The following CETN3 variants were observed in gnomAD, a reference collection of about 807,000 sequenced individuals.
CETN3 encodes the protein centrin 3.
CETN3 carries 17 observed loss-of-function variants against 20.1 expected under a neutral mutation model. The ratio of observed to expected loss-of-function variants is 0.85; its 90% CI spans 0.58 to 1.27. The LOEUF (loss-of-function observed/expected upper bound fraction) is 1.27, where lower values mean the gene tolerates loss of function less well. Among genes scored for constraint, CETN3 ranks in the 50% most tolerant of loss-of-function variants. The pLI is 0.00. For missense variants in CETN3, 169 were observed against 191.2 expected (o/e 0.88, Z 0.69); for synonymous variants, 52 against 59.7 (o/e 0.87, Z 0.59).
chr5:90,406,510 TCCA>T (rs1749447106), intron 2 of CETN3, among the ~76,000 whole-genome samples: 1 of 151,304 alleles, frequency 6.6e-6, no homozygotes, highest in Admixed American at 6.6e-5. Context: ...GGAGGTGAAT[TCCA>T]CCTTAATTAG....
chr5:90,402,501 C>G (rs1181848678), intron 3 of CETN3, among the ~76,000 whole-genome samples: 2 of 152,178 alleles, frequency 1.3e-5, no homozygotes, highest in Non-Finnish European at 2.9e-5. Context: ...TGCTTTTTCT[C>G]TACTCTTCCT....
rs979633106 is a variant in CETN3 at position 90,405,479 on chromosome 5, CAA to C, written c.268+204_268+205del. 4.4e-5 allele frequency: 23 copies of C among 519,858 alleles called. No individual in the cohort carries two copies. The African/African-American group carries it at 4.4e-4, about 10-fold the overall frequency. 32.2% of individuals were successfully genotyped at this position (519,858 alleles called of 1,614,324 possible). On this transcript the variant is annotated intron_variant, in intron 3 of 4. Coordinates refer to ENST00000283122, the MANE Select transcript of CETN3 (RefSeq NM_004365.4). ...CTTGGTTAGAATCTTCACAACAAAA[CAA>C]AAGACAAAACTATAAATCTCAGAGC...
intron 1 of CETN3, 48 bp downstream of exon 1, chr5:90,409,597 G>C: frequency 6.2e-7 from 1 of 1,611,058 alleles, no homozygotes. Flanking sequence ...ACCCTCCCTG[G>C]GCCCCGCTCC....
chr5:90,409,503 G>A lies in CETN3; in HGVS notation c.17+142C>T, dbSNP rs28513348. On this transcript the variant is annotated intron_variant, in intron 1 of 4. Coordinates refer to ENST00000283122, the MANE Select transcript of CETN3 (RefSeq NM_004365.4). ...AGAGCCCAGAGGGTGAGTGATCCGG[G>A]CAGGCTGCCCTAGGCTCCTTTCCCG... 10,929 of 907,632 alleles carry A rather than the reference G, an allele frequency of 0.012. 767 individuals are homozygous for A. In the African/African-American group the frequency reaches 0.16, roughly 13 times the overall value. The allele number at this position is 907,632 out of a possible 1,614,324, so 56.2% of individuals were successfully genotyped here.
At chr5:90,406,863 A>AC (rs1232852433) in intron 2 of CETN3, among the ~76,000 whole-genome samples, 2 of 150,556 alleles carry the variant, frequency 1.3e-5, no homozygotes, top group Non-Finnish European at 3.0e-5. Context: ...AAACAAAAAA[A>AC]ACAGTGGGAA....
chr5:90,395,885 T>C, intron 4 of CETN3: 1 of 902,144 alleles, frequency 1.1e-6, no homozygotes, highest in Non-Finnish European at 1.3e-6. Context: ...GAATATATAC[T>C]GCACTGGTTC....
chr5:90,405,464 A>C (rs1749412264), intron 3 of CETN3: 4 of 509,210 alleles, frequency 7.9e-6, no homozygotes, highest in Non-Finnish European at 1.4e-5. Flanking sequence ...CTTGGTTAGA[A>C]TCTTCACAAC....
intron 4 of CETN3, 81 bp downstream of exon 4, chr5:90,399,277 G>C (rs529843444): frequency 1.8e-4 from 237 of 1,295,698 alleles, no homozygotes; most frequent in Non-Finnish European, 2.5e-4. Flanking sequence ...AAAAAGTCTT[G>C]CAAGTCATTT....
chr5:90,403,087 T>C (rs1229914309), intron 3 of CETN3, among the ~76,000 whole-genome samples: 4 of 152,254 alleles, frequency 2.6e-5, no homozygotes, highest in African/African-American at 9.6e-5. Context: ...CCTCAGGCTG[T>C]CTTGACTCTA....
At chr5:90,404,980 T>TG (rs1342940197) in intron 3 of CETN3, among the ~76,000 whole-genome samples, 1 of 152,180 alleles carries the variant, frequency 6.6e-6, no homozygotes, top group Non-Finnish European at 1.5e-5. Context: ...TCTTCTATTT[T>TG]GAAAAAGCCT....
Position 90,394,032 on chromosome 5 carries a change from G to C in CETN3, c.*32C>G, listed in dbSNP as rs748520432. On this transcript the variant is annotated 3_prime_UTR_variant, in exon 5 of 5. Coordinates refer to ENST00000283122, the MANE Select transcript of CETN3 (RefSeq NM_004365.4). ...AAAAATAGAATATAAGATGGTAACT[G>C]CAACATTCTTAGTGTTTATCCTTGT... The C allele has an allele frequency of 1.3e-5, 18 of 1,409,314 alleles. No individual in the cohort carries two copies. Among genetic ancestry groups the C allele is most frequent in the Admixed American group, 9.4e-5 (5 of 52,914 alleles). 87.3% of individuals were successfully genotyped at this position (1,409,314 alleles called of 1,614,324 possible). A position where few individuals can be genotyped will look rare whatever the true frequency, so the allele number is the denominator to read the frequency against.
At chr5:90,405,606 G>T (rs1580164526) in intron 3 of CETN3, 79 bp downstream of exon 3, 1 of 909,324 alleles carries the variant, frequency 1.1e-6, no homozygotes, top group African/African-American at 1.7e-5. Context: ...ATAACCTAGA[G>T]AATTTAAAAT....
chr5:90,405,633 A>C (rs1048766873), intron 3 of CETN3, 52 bp downstream of exon 3: 4 of 1,169,592 alleles, frequency 3.4e-6, no homozygotes, highest in Non-Finnish European at 5.1e-6. Context: ...AGTGATATTA[A>C]TCAGACAATT....
chr5:90,409,212 A>G (rs1465652179), intron 1 of CETN3, among the ~76,000 whole-genome samples: 2 of 152,186 alleles, frequency 1.3e-5, no homozygotes, highest in Non-Finnish European at 2.9e-5. Context: ...CTGGGAGAAG[A>G]GGAAAGAGTT....
chr5:90,401,519 C>T (rs937096740), intron 3 of CETN3, among the ~76,000 whole-genome samples: 1 of 152,102 alleles, frequency 6.6e-6, no homozygotes, highest in Non-Finnish European at 1.5e-5. Context: ...CTTTCTTAGA[C>T]CTTTAATGTG....
chr5:90,407,676 A>T, intron 2 of CETN3, 23 bp downstream of exon 2: 1 of 1,379,586 alleles, frequency 7.2e-7, no homozygotes, highest in Non-Finnish European at 9.7e-7. Flanking sequence ...CACAGAAACA[A>T]ATATTTTAAA....
chr5:90,399,168 T>G (rs920108358), intron 4 of CETN3, 190 bp downstream of exon 4: 5 of 614,506 alleles, frequency 8.1e-6, no homozygotes, highest in Non-Finnish European at 1.4e-5. Context: ...TGAAGGACCT[T>G]CTTGAAGTAT....
In CETN3 at chr5:90,409,676, G is replaced by A. The variant is rs1749575792; in HGVS notation, c.-15C>T. On this transcript the variant is annotated 5_prime_UTR_variant, in exon 1 of 5. Transcript: ENST00000283122. ...GCTAAACTCATTATCTCTTCGCACA[G>A]AGACGTTCCTCTCAAGAACGATTTT... The A allele has an allele frequency of 6.2e-7, 1 of 1,614,118 alleles. No individual in the cohort carries two copies. Among genetic ancestry groups the A allele is most frequent in the Admixed American group, 1.7e-5 (1 of 60,024 alleles).
At chr5:90,403,031 T>A (rs955640352) in intron 3 of CETN3, among the ~76,000 whole-genome samples, 55 of 152,260 alleles carry the variant, frequency 3.6e-4, no homozygotes, top group African/African-American at 1.3e-3. Context: ...TGACTTATGT[T>A]AGTCTTAAAG....
Sources: allele counts gnomAD v4.1 joint callset (sites outside exome capture counted in the v4.1 genomes callset), GRCh38; gene constraint gnomAD v4.1.1; transcripts MANE v1.5; gene names NCBI Gene and HGNC (gene_info 2026-07-23, HGNC 2026-07-21).